NHERF2: variants seen among roughly 807,000 people sequenced by gnomAD.
NHERF2 encodes NHERF family PDZ scaffold protein 2.
At chr16:2,036,280 G>A in the NHERF2 span, 82 of 1,545,102 alleles carry the variant, frequency 5.3e-5, no homozygotes, top group East Asian at 7.1e-5. Flanking sequence ...CTCTGGAGGC[G>A]GGAGGCTGGA....
the NHERF2 span, chr16:2,037,451 T>TGG: frequency 1.7e-3 from 1,851 of 1,112,926 alleles, 13 homozygotes; most frequent in African/African-American, 0.023. Flanking sequence ...GAGCACACAC[T>TGG]GGGGGGGGGT....
chr16:2,029,896 T>C, the NHERF2 span: 2 of 895,470 alleles, frequency 2.2e-6, no homozygotes, highest in East Asian at 5.3e-5. Flanking sequence ...TCTTCTGCCT[T>C]TTGGGGCTCC....
the NHERF2 span, chr16:2,035,534 C>T: frequency 1.1e-5 from 11 of 986,480 alleles, no homozygotes; most frequent in Non-Finnish European, 1.3e-5. Flanking sequence ...ACCTGAGCTG[C>T]CTCCTGCCTG....
At chr16:2,037,863 G>T in the NHERF2 span, 1 of 1,601,474 alleles carries the variant, frequency 6.2e-7, no homozygotes, top group African/African-American at 1.3e-5. Context: ...TTCCAGGAGA[G>T]CGGCCTCCAC....
the NHERF2 span, chr16:2,036,410 T>C: frequency 3.1e-6 from 5 of 1,609,426 alleles, no homozygotes; most frequent in South Asian, 1.1e-5. Context: ...ACCTGCATAG[T>C]GACAAGTCCC....
the NHERF2 span, chr16:2,038,898 A>AC: frequency 6.5e-6 from 1 of 153,520 alleles, no homozygotes; most frequent in Non-Finnish European, 1.4e-5. Context: ...CCCCGTGGAC[A>AC]CCCTGTTGAC....
At chr16:2,032,942 G>T in the NHERF2 span, 1 of 1,088,550 alleles carries the variant, frequency 9.2e-7, no homozygotes, top group Non-Finnish European at 1.1e-6. This position sits in a 1 kb window ranked among gnomAD's most constrained non-coding sequence, Gnocchi z 4.0. Context: ...AGTTCTGCGG[G>T]AGGCGGCTGT....
chr16:2,035,368 G>T, the NHERF2 span: 1,473 of 948,462 alleles, frequency 1.6e-3, 1 homozygote, highest in Non-Finnish European at 1.6e-3. Flanking sequence ...AGGTCTGAGC[G>T]CCCCCTTGCC....
At chr16:2,031,758 C>A in the NHERF2 span, among the ~76,000 whole-genome samples, 7 of 152,136 alleles carry the variant, frequency 4.6e-5, no homozygotes, top group African/African-American at 1.7e-4. Flanking sequence ...CTTTTTCTTT[C>A]TTGGCTCACT....
chr16:2,035,644 C>T, the NHERF2 span: 13 of 986,038 alleles, frequency 1.3e-5, no homozygotes, highest in African/African-American at 1.6e-4. Context: ...TTGGGCCTGG[C>T]CTTGCCTGCA....
the NHERF2 span, chr16:2,038,403 C>A: frequency 5.5e-6 from 2 of 363,662 alleles, no homozygotes; most frequent in Admixed American, 4.2e-5. Context: ...ACCAGAGACC[C>A]CCCCCCTTCC....
At chr16:2,031,320 G>A in the NHERF2 span, among the ~76,000 whole-genome samples, 1 of 152,168 alleles carries the variant, frequency 6.6e-6, no homozygotes, top group Non-Finnish European at 1.5e-5. Flanking sequence ...CAGGGGGGCT[G>A]GCTGGTCCTA....
chr16:2,028,829 C>G, the NHERF2 span, among the ~76,000 whole-genome samples: 1 of 152,162 alleles, frequency 6.6e-6, no homozygotes, highest in Non-Finnish European at 1.5e-5. Flanking sequence ...TGTGCGCTGG[C>G]CCCCCGCGTG....
the NHERF2 span, chr16:2,029,396 G>A: frequency 1.7e-6 from 1 of 605,856 alleles, no homozygotes; most frequent in Non-Finnish European, 2.9e-6. Flanking sequence ...GAGCCTGAGT[G>A]CAGAGGGAGG....
chr16:2,027,445 C>A, the NHERF2 span, among the ~76,000 whole-genome samples: 1 of 152,222 alleles, frequency 6.6e-6, no homozygotes, highest in East Asian at 1.9e-4. Context: ...CGGCTCCTGG[C>A]CGCTGGCCTC....
At chr16:2,037,911 G>A in the NHERF2 span, 12 of 1,611,904 alleles carry the variant, frequency 7.4e-6, no homozygotes, top group Middle Eastern at 1.6e-4. Flanking sequence ...GAGAAGGCTC[G>A]AGCCATGCGA....
the NHERF2 span, among the ~76,000 whole-genome samples, chr16:2,031,519 GC>G: frequency 1.3e-5 from 2 of 152,212 alleles, no homozygotes; most frequent in African/African-American, 4.8e-5. Flanking sequence ...CAGGCACCTT[GC>G]CTTGGGTGGG....
At chr16:2,033,222 G>A in the NHERF2 span, 10 of 1,499,608 alleles carry the variant, frequency 6.7e-6, no homozygotes, top group Middle Eastern at 2.4e-4. Flanking sequence ...CAGCCCCCAC[G>A]TCCCCACCCA....
At chr16:2,030,759 G>C in the NHERF2 span, among the ~76,000 whole-genome samples, 2 of 152,022 alleles carry the variant, frequency 1.3e-5, no homozygotes, top group South Asian at 4.1e-4. Flanking sequence ...GACTAATGTG[G>C]TGAAACCCCC....
Sources: allele counts gnomAD v4.1 joint callset (sites outside exome capture counted in the v4.1 genomes callset), GRCh38; gene constraint gnomAD v4.1.1; non-coding constraint Gnocchi (gnomAD v3.1); transcripts MANE v1.5; gene names NCBI Gene and HGNC (gene_info 2026-07-23, HGNC 2026-07-21).